Variants in ALG14 observed in about 807,000 individuals in gnomAD.
ALG14 encodes the protein UDP-N-acetylglucosamine transferase subunit ALG14.
Under a neutral mutation model 22.8 loss-of-function variants are expected in ALG14, and 17 were observed. That is an observed-to-expected ratio of 0.75 (90% confidence interval 0.51 to 1.12). The LOEUF is 1.12. Ranked by LOEUF, ALG14 falls within the 50% of genes most tolerant of loss-of-function variation. The pLI, the probability that ALG14 is intolerant of heterozygous loss-of-function variation, is 0.00. For missense variants in ALG14, 288 were observed against 271.8 expected (o/e 1.06, Z -0.42); for synonymous variants, 89 against 103.7 (o/e 0.86, Z 0.86).
rs528278222 is a variant in ALG14, at chr1:95,024,199, G to A, written c.420+2930C>T. Among the ~76,000 whole-genome samples the A allele has an allele frequency of 2.7e-3, 408 of 152,122 alleles. 1 individual carries two copies. Among genetic ancestry groups the A allele is most frequent in the Middle Eastern group, 6.8e-3 (2 of 294 alleles). ...TCACTGTGTTAGCCAGGATGGTCTC[G>A]ATCTCCTGACCTCGTGATCCGCCCA... is the stretch of plus-strand genomic sequence containing the variant. On this transcript the variant is annotated intron_variant, in intron 3 of 3. Transcript: ENST00000370205.
intron 3 of ALG14, among the ~76,000 whole-genome samples, chr1:95,011,847 C>A (rs551222455): frequency 3.9e-5 from 6 of 152,296 alleles, no homozygotes; most frequent in Admixed American, 3.9e-4. Context: ...CTATATGTGA[C>A]TAAGTGTTTT....
chr1:94,988,847 A>G (rs1042949429), intron 3 of ALG14, among the ~76,000 whole-genome samples: 2 of 150,780 alleles, frequency 1.3e-5, no homozygotes, highest in African/African-American at 5.0e-5. Flanking sequence ...TGAAAAATAC[A>G]GAGAAGCACA....
chr1:94,994,387 T>C (rs1428981806), intron 3 of ALG14, among the ~76,000 whole-genome samples: 1 of 152,238 alleles, frequency 6.6e-6, no homozygotes, highest in African/African-American at 2.4e-5. Flanking sequence ...TAGAGCTAGA[T>C]GAAGCCTCAG....
chr1:95,006,291 T>C (rs1197808692), intron 3 of ALG14, among the ~76,000 whole-genome samples: 1 of 152,242 alleles, frequency 6.6e-6, no homozygotes. Flanking sequence ...TATTTTTTCC[T>C]TTTTATTAAA....
At chr1:94,994,292 G>A (rs1304586013) in intron 3 of ALG14, among the ~76,000 whole-genome samples, 1 of 152,034 alleles carries the variant, frequency 6.6e-6, no homozygotes. Flanking sequence ...TTTCACAGAG[G>A]GTTTTAAACC....
chr1:94,992,038 CTT>C (rs59418406), intron 3 of ALG14, among the ~76,000 whole-genome samples: 27,138 of 151,894 alleles, frequency 0.18, 3,043 homozygotes, highest in East Asian at 0.58. Flanking sequence ...ACAATGCCTT[CTT>C]CTGGAATACC....
At chr1:95,020,216 CA>C (rs1232229033) in intron 3 of ALG14, among the ~76,000 whole-genome samples, 8 of 140,902 alleles carry the variant, frequency 5.7e-5, no homozygotes, top group Non-Finnish European at 3.1e-5. Context: ...GACTGAGTCT[CA>C]AAAAAAAAAG....
At chr1:95,029,999 A>G (rs1247620762) in intron 2 of ALG14, among the ~76,000 whole-genome samples, 1 of 152,204 alleles carries the variant, frequency 6.6e-6, no homozygotes, top group East Asian at 1.9e-4. Context: ...GCAATAGCAA[A>G]TTGTTTGAGG....
chr1:95,031,709 T>A (rs1398274867), intron 2 of ALG14, among the ~76,000 whole-genome samples: 2 of 152,092 alleles, frequency 1.3e-5, no homozygotes, highest in Non-Finnish European at 1.5e-5. Context: ...CACCAAACTT[T>A]CTGTGTGCTT....
In ALG14 at chr1:94,980,020, C is replaced by CA. The variant is rs1672468226; in HGVS notation, c.*3055dup. Reference sequence around the variant, plus strand: ...TATTGTTGGTAAAAGGTGCTTAATACATTGCTATCAAATGCCTTTTGGGGG... The same window carrying CA: ...TATTGTTGGTAAAAGGTGCTTAATACAATTGCTATCAAATGCCTTTTGGGGG... On this transcript the variant is annotated 3_prime_UTR_variant, in exon 4 of 4. Coordinates refer to ENST00000370205, the MANE Select transcript of ALG14 (RefSeq NM_144988.4). 2 of 149,690 alleles carry CA rather than the reference C, an allele frequency of 1.3e-5. No individual in the cohort carries two copies. The highest frequency in any genetic ancestry group is 4.3e-4 in the South Asian group (2 of 4,704). 9.3% of individuals were successfully genotyped at this position (149,690 alleles called of 1,614,324 possible).
intron 2 of ALG14, among the ~76,000 whole-genome samples, chr1:95,048,429 T>C (rs1001836643): frequency 1.3e-5 from 2 of 152,068 alleles, no homozygotes; most frequent in Non-Finnish European, 2.9e-5. Flanking sequence ...CAAGGAGTAA[T>C]AGTTGGTTGC....
In ALG14 at chr1:94,979,235, T is replaced by A. The variant is rs894089592; in HGVS notation, c.*3841A>T. On this transcript the variant is annotated 3_prime_UTR_variant, in exon 4 of 4. Coordinates refer to ENST00000370205, the MANE Select transcript of ALG14 (RefSeq NM_144988.4). The stretch of plus-strand genomic sequence containing the variant: ...GGAGGCAGAGGTTACAGTGAGCCAG[T>A]AAGGTGAGATTGCACCACTGCACTC... The A allele has an allele frequency of 3.1e-5, 4 of 127,380 alleles. No individual in the cohort carries two copies. 7.9% of individuals were successfully genotyped at this position (127,380 alleles called of 1,614,324 possible). A position where few individuals can be genotyped will look rare whatever the true frequency, so the allele number is the denominator to read the frequency against.
intron 2 of ALG14, among the ~76,000 whole-genome samples, chr1:95,051,842 C>T (rs1349518792): frequency 6.6e-6 from 1 of 152,162 alleles, no homozygotes; most frequent in East Asian, 1.9e-4. Flanking sequence ...CTGGTCACTA[C>T]CTAAAATTAC....
At chr1:95,016,527 C>T (rs1297325475) in intron 3 of ALG14, among the ~76,000 whole-genome samples, 2 of 152,022 alleles carry the variant, frequency 1.3e-5, no homozygotes, top group South Asian at 2.1e-4. Flanking sequence ...TAGAAACCCA[C>T]CAAGATATAA....
chr1:95,044,776 CA>C (rs893851661), intron 2 of ALG14, among the ~76,000 whole-genome samples: 1 of 152,076 alleles, frequency 6.6e-6, no homozygotes, highest in Non-Finnish European at 1.5e-5. Context: ...TGATGGCAGA[CA>C]TTTTTTTGTG....
intron 3 of ALG14, among the ~76,000 whole-genome samples, chr1:94,999,926 G>C (rs1196523955): frequency 6.6e-6 from 1 of 151,888 alleles, no homozygotes; most frequent in Non-Finnish European, 1.5e-5. Flanking sequence ...CTCCCACCTG[G>C]TTCCCACAAC....
At chr1:95,023,404 A>G (rs1038803977) in intron 3 of ALG14, among the ~76,000 whole-genome samples, 23 of 152,212 alleles carry the variant, frequency 1.5e-4, no homozygotes, top group African/African-American at 5.1e-4. Flanking sequence ...AATTACAGGC[A>G]TGAGCCTCCG....
chr1:95,004,701 C>T (rs911341043), intron 3 of ALG14, among the ~76,000 whole-genome samples: 1 of 151,712 alleles, frequency 6.6e-6, no homozygotes, highest in Non-Finnish European at 1.5e-5. Context: ...TGGGGTTTCA[C>T]CGCATTAGCC....
chr1:95,057,409 A>G (rs1342570461), intron 2 of ALG14, among the ~76,000 whole-genome samples: 1 of 151,788 alleles, frequency 6.6e-6, no homozygotes, highest in East Asian at 2.0e-4. Flanking sequence ...AATACAGTAT[A>G]ACAACTATTT....
Sources: allele counts gnomAD v4.1 joint callset (sites outside exome capture counted in the v4.1 genomes callset), GRCh38; gene constraint gnomAD v4.1.1; transcripts MANE v1.5; gene names NCBI Gene and HGNC (gene_info 2026-07-23, HGNC 2026-07-21).